The following UTRN variants were observed in gnomAD, a reference collection of about 807,000 sequenced individuals.
UTRN encodes the protein dystrophin-related protein 1.
A neutral mutation model predicts 463.9 loss-of-function variants in UTRN; 283 were observed. That is an observed-to-expected ratio of 0.61 (90% CI 0.55 to 0.67). The LOEUF is 0.67. Ranked by LOEUF, UTRN falls within the 30% of genes least tolerant of loss-of-function variation. UTRN has a pLI of 0.00. For missense variants in UTRN, 3,922 were observed against 4,084.3 expected, an observed-to-expected ratio of 0.96 and a Z score of 1.08; for synonymous variants, 1,442 against 1,431.5, an observed-to-expected ratio of 1.01 and a Z score of -0.17.
intron 2 of UTRN, among the ~76,000 whole-genome samples, chr6:144,360,831 T>A (rs1779019001): frequency 6.6e-6 from 1 of 152,202 alleles, no homozygotes; most frequent in Non-Finnish European, 1.5e-5. Context: ...TTGGCCACCT[T>A]TCCTTCTTTG....
At chr6:144,296,561 G>T (rs924280386) in intron 2 of UTRN, among the ~76,000 whole-genome samples, 7 of 152,182 alleles carry the variant, frequency 4.6e-5, no homozygotes, top group Admixed American at 2.0e-4. Context: ...AATGATAAAG[G>T]CTACAGAGTC....
At chr6:144,789,567 G>A (rs1357261226) in intron 62 of UTRN, among the ~76,000 whole-genome samples, 1 of 152,052 alleles carries the variant, frequency 6.6e-6, no homozygotes, top group African/African-American at 2.4e-5. Context: ...CCATAATGTA[G>A]GCATTTGAGA....
At chr6:144,656,979 AGTGGC>A (rs1474662834) in intron 51 of UTRN, among the ~76,000 whole-genome samples, 2 of 152,176 alleles carry the variant, frequency 1.3e-5, no homozygotes, top group Non-Finnish European at 2.9e-5. Context: ...AGCTGGGTGT[AGTGGC>A]TTACGCCTGT....
intron 2 of UTRN, among the ~76,000 whole-genome samples, chr6:144,341,763 C>T (rs1777154582): frequency 6.6e-6 from 1 of 152,206 alleles, no homozygotes; most frequent in Non-Finnish European, 1.5e-5. Flanking sequence ...TTCAGAATTT[C>T]ATTTCCTTAC....
chr6:144,424,891 A>C (rs117169230), intron 6 of UTRN, among the ~76,000 whole-genome samples: 3,024 of 152,316 alleles, frequency 0.02, 44 homozygotes, highest in South Asian at 0.033. Flanking sequence ...ATAATATGAG[A>C]TGTAAAATAT....
Position 144,380,229 on chromosome 6 carries a change from A to C in UTRN, c.80-22894A>C, listed in dbSNP as rs138179280. Reference sequence around the variant, plus strand: ...ACAATAAAATACCTATGAAGCTTTAAAATGACATTATTAAAGAATGTGCAC... The same window carrying C: ...ACAATAAAATACCTATGAAGCTTTACAATGACATTATTAAAGAATGTGCAC... On this transcript the variant is annotated intron_variant, in intron 2 of 74. Coordinates refer to ENST00000367545, the MANE Select transcript of UTRN (RefSeq NM_007124.3). 5.3e-5 allele frequency among the ~76,000 whole-genome samples: 8 copies of C among 152,316 alleles called. No homozygotes were observed. The East Asian group carries it at 1.5e-3, about 29-fold the overall frequency.
At chr6:144,438,985 A>C in intron 12 of UTRN, 90 bp downstream of exon 12, 1 of 1,391,748 alleles carries the variant, frequency 7.2e-7, no homozygotes, top group Non-Finnish European at 9.9e-7. Context: ...TATCGTTAAC[A>C]TGAAGTTGGG....
chr6:144,716,424 T>C (rs1476726673), intron 53 of UTRN, among the ~76,000 whole-genome samples: 1 of 152,090 alleles, frequency 6.6e-6, no homozygotes, highest in Non-Finnish European at 1.5e-5. Context: ...TTATATTTTA[T>C]AAATAAATAT....
chr6:144,715,593 C>T (rs991581481), intron 53 of UTRN, among the ~76,000 whole-genome samples: 4 of 152,040 alleles, frequency 2.6e-5, no homozygotes, highest in Non-Finnish European at 5.9e-5. Flanking sequence ...CAGTGCCAGC[C>T]TGTCTGCTCT....
At chr6:144,685,637 T>C (rs1453632318) in intron 52 of UTRN, among the ~76,000 whole-genome samples, 3 of 152,220 alleles carry the variant, frequency 2.0e-5, no homozygotes, top group Non-Finnish European at 1.5e-5. Flanking sequence ...TTTCTTCATA[T>C]GTTTGTTGCC....
At chr6:144,570,511 C>CA in intron 50 of UTRN, among the ~76,000 whole-genome samples, 1 of 152,218 alleles carries the variant, frequency 6.6e-6, no homozygotes, top group African/African-American at 2.4e-5. Context: ...TACCTTAATC[C>CA]AAAATCCATA....
intron 48 of UTRN, among the ~76,000 whole-genome samples, chr6:144,551,916 C>A (rs994154226): frequency 3.9e-5 from 6 of 152,200 alleles, no homozygotes; most frequent in African/African-American, 1.4e-4. Context: ...AAAATGTCAT[C>A]CCCTTTGTGA....
chr6:144,498,665 T>C (rs1296224383), intron 33 of UTRN, among the ~76,000 whole-genome samples: 1 of 152,098 alleles, frequency 6.6e-6, no homozygotes, highest in Non-Finnish European at 1.5e-5. Context: ...ACAATCTTTT[T>C]TTTTTTTGAG....
At chr6:144,785,306 C>T (rs1285532992) in intron 61 of UTRN, among the ~76,000 whole-genome samples, 1 of 152,194 alleles carries the variant, frequency 6.6e-6, no homozygotes, top group African/African-American at 2.4e-5. Context: ...CAGCTTCAGC[C>T]AGCTCTTGAT....
At chr6:144,304,597 T>G (rs1184478431) in intron 2 of UTRN, among the ~76,000 whole-genome samples, 1 of 152,074 alleles carries the variant, frequency 6.6e-6, no homozygotes, top group African/African-American at 2.4e-5. Context: ...TAAGCTGAGA[T>G]CTGAAAGAAT....
chr6:144,835,232 A>C (rs970643015), intron 69 of UTRN, among the ~76,000 whole-genome samples: 23 of 152,238 alleles, frequency 1.5e-4, no homozygotes, highest in African/African-American at 5.5e-4. Flanking sequence ...ATCAACCCTA[A>C]AAATGACCTG....
intron 25 of UTRN, among the ~76,000 whole-genome samples, chr6:144,477,558 ACACG>A (rs1015482173): frequency 2.6e-5 from 4 of 151,484 alleles, no homozygotes; most frequent in African/African-American, 9.7e-5. Context: ...ACACACACAC[ACACG>A]CACACACCCT....
chr6:144,362,375 A>T (rs1239680155), intron 2 of UTRN, among the ~76,000 whole-genome samples: 1 of 152,196 alleles, frequency 6.6e-6, no homozygotes, highest in Admixed American at 6.5e-5. Context: ...GACCTCCAGG[A>T]GCACTTGTCT....
chr6:144,479,230 C>A (rs905577754), intron 25 of UTRN, among the ~76,000 whole-genome samples: 1 of 151,418 alleles, frequency 6.6e-6, no homozygotes, highest in Non-Finnish European at 1.5e-5. Flanking sequence ...GCAATTCTCC[C>A]GCCTCTACCT....
Sources: gnomAD v4.1 joint callset for allele counts (sites outside exome capture counted in the v4.1 genomes callset) on GRCh38, gnomAD v4.1.1 for gene constraint, MANE v1.5 for transcripts, NCBI Gene and HGNC (gene_info 2026-07-23, HGNC 2026-07-21) for gene names.